CDC42BPA: variants seen among roughly 807,000 people sequenced by gnomAD.
CDC42BPA encodes serine/threonine-protein kinase MRCK alpha.
Under a neutral mutation model 223.5 loss-of-function variants are expected in CDC42BPA, and 80 were observed. That is an observed-to-expected ratio of 0.36 (90% CI 0.30 to 0.43). The LOEUF (loss-of-function observed/expected upper bound fraction) is 0.43. Among genes scored for constraint, CDC42BPA ranks in the 20% least tolerant of loss-of-function variants. CDC42BPA has a pLI of 1.00. For missense variants in CDC42BPA, 1,743 were observed against 2,099.9 expected, an observed-to-expected ratio of 0.83 and a Z score of 3.32; for synonymous variants, 694 against 718.6, an observed-to-expected ratio of 0.97 and a Z score of 0.55.
At chr1:227,304,566 T>C (rs181471233) in intron 1 of CDC42BPA, among the ~76,000 whole-genome samples, 128 of 152,306 alleles carry the variant, frequency 8.4e-4, no homozygotes, top group African/African-American at 2.9e-3. Flanking sequence ...ATGAGTTTCA[T>C]ACAATGTTTC....
chr1:227,173,712 T>A (rs1666482581), intron 5 of CDC42BPA, among the ~76,000 whole-genome samples: 2 of 149,310 alleles, frequency 1.3e-5, no homozygotes, highest in Admixed American at 1.3e-4. Context: ...ACATGTGGTA[T>A]TTTTTTTTTA....
At chr1:227,226,730 G>C (rs1189529597) in intron 2 of CDC42BPA, among the ~76,000 whole-genome samples, 1 of 152,136 alleles carries the variant, frequency 6.6e-6, no homozygotes, top group Admixed American at 6.5e-5. Flanking sequence ...TTTTGAGATG[G>C]CAAACTAGAC....
chr1:227,009,452 A>C (rs1370508208), intron 34 of CDC42BPA, among the ~76,000 whole-genome samples: 1 of 152,150 alleles, frequency 6.6e-6, no homozygotes, highest in Non-Finnish European at 1.5e-5. Flanking sequence ...TCTATCACCT[A>C]AGCTGGAGTG....
chr1:227,126,901 A>G (rs1476733201), intron 11 of CDC42BPA, among the ~76,000 whole-genome samples: 2 of 152,200 alleles, frequency 1.3e-5, no homozygotes, highest in African/African-American at 4.8e-5. Flanking sequence ...CTTTTAACAC[A>G]GTGCTGCAAG....
At chr1:227,293,616 G>A (rs756313942) in intron 1 of CDC42BPA, among the ~76,000 whole-genome samples, 4 of 150,336 alleles carry the variant, frequency 2.7e-5, no homozygotes, top group Non-Finnish European at 4.4e-5. Context: ...ACCTGAGGTC[G>A]GGAGTTTGAG....
chr1:227,043,190 G>A (rs536062637), intron 23 of CDC42BPA, among the ~76,000 whole-genome samples: 14 of 151,946 alleles, frequency 9.2e-5, no homozygotes, highest in Admixed American at 2.6e-4. Context: ...CAAGGAGGGC[G>A]GATCACGAGG....
At chr1:227,091,546 A>G (rs6695431) in intron 16 of CDC42BPA, among the ~76,000 whole-genome samples, 21,506 of 152,182 alleles carry the variant, frequency 0.14, 1,904 homozygotes, top group South Asian at 0.34. Flanking sequence ...CTGCAGAACC[A>G]TAAGCCAAAA....
intron 17 of CDC42BPA, among the ~76,000 whole-genome samples, chr1:227,078,134 T>A (rs1446136823): frequency 1.3e-5 from 2 of 152,164 alleles, no homozygotes; most frequent in East Asian, 3.8e-4. Flanking sequence ...TTTACAAAAA[T>A]TCTCCAATTT....
At chr1:227,059,410 C>A (rs758017331) in intron 21 of CDC42BPA, 4 of 1,562,178 alleles carry the variant, frequency 2.6e-6, no homozygotes, top group East Asian at 2.4e-5. Context: ...GGATGGAGAG[C>A]GCTTCAACAG....
At chr1:227,144,345 G>C (rs1015867052) in intron 8 of CDC42BPA, among the ~76,000 whole-genome samples, 2 of 152,056 alleles carry the variant, frequency 1.3e-5, no homozygotes, top group Admixed American at 6.5e-5. Flanking sequence ...GGGAGGCTGA[G>C]GAGGGCGGAT....
At chr1:227,212,385 G>A (rs902502007) in intron 3 of CDC42BPA, among the ~76,000 whole-genome samples, 21 of 151,976 alleles carry the variant, frequency 1.4e-4, no homozygotes, top group African/African-American at 5.1e-4. Context: ...AACTTCCAGG[G>A]CTATTACTCA....
At chr1:227,010,025 A>G (rs1411981163) in intron 34 of CDC42BPA, among the ~76,000 whole-genome samples, 2 of 152,194 alleles carry the variant, frequency 1.3e-5, no homozygotes, top group Non-Finnish European at 2.9e-5. Flanking sequence ...TTTGCATGAT[A>G]CAATATAAAC....
chr1:227,310,250 T>C (rs1693274846), intron 1 of CDC42BPA, among the ~76,000 whole-genome samples: 1 of 152,256 alleles, frequency 6.6e-6, no homozygotes, highest in African/African-American at 2.4e-5. Context: ...AAATGTTGTC[T>C]AAAATCTTTT....
intron 3 of CDC42BPA, among the ~76,000 whole-genome samples, chr1:227,207,096 A>C (rs12758070): frequency 1.4e-5 from 1 of 70,158 alleles, no homozygotes; most frequent in African/African-American, 6.0e-5. Context: ...CCCACCCCAC[A>C]ACAGTCCCCC....
Position 227,072,249 on chromosome 1 carries a change from T to C in CDC42BPA, c.2786A>G (p.Glu929Gly), listed in dbSNP as rs1558431040. The part of the protein sequence containing the change: ...KKNLELLSEI[E>G]QLIKDTEELR... ...CTCTTCAGTGTCCTTTATCAGCTGT[T>C]CGATTTCTGAGAGTAGTTCCAAGTT... The change falls in exon 20 of 37, where the codon GAA (glutamate) becomes GGA (glycine). Residue 929 changes from glutamate to glycine, a missense_variant. Coordinates refer to ENST00000366766, the MANE Select transcript of CDC42BPA (RefSeq NM_001394014.1). The C allele has an allele frequency of 6.2e-7, 1 of 1,610,130 alleles. No individual in the cohort carries two copies. The highest frequency in any genetic ancestry group is 1.7e-5 in the Admixed American group (1 of 59,870).
At chr1:227,233,272 T>C (rs571245005) in intron 2 of CDC42BPA, among the ~76,000 whole-genome samples, 2 of 152,226 alleles carry the variant, frequency 1.3e-5, no homozygotes, top group East Asian at 3.9e-4. Context: ...CTCCTGACCT[T>C]GTGATCCGCC....
Position 227,316,884 on chromosome 1 carries a change from GTC to G in CDC42BPA, c.178+119_178+120del, listed in dbSNP as rs543833090. On this transcript the variant is annotated intron_variant, in intron 1 of 36. Transcript: ENST00000366766. Reference sequence around the variant, plus strand: ...TAGCGGAAAATCTTGAATAACTAGTGTCTGTTTTTTTATTGTATTTTTTCTTT... The same window carrying G: ...TAGCGGAAAATCTTGAATAACTAGTGTGTTTTTTTATTGTATTTTTTCTTT... 8.5e-5 allele frequency: 61 copies of G among 720,040 alleles called. No individual in the cohort carries two copies. The African/African-American group carries it at 1.1e-3, about 12-fold the overall frequency. 44.6% of individuals were successfully genotyped at this position (720,040 alleles called of 1,614,324 possible). A position where few individuals can be genotyped will look rare whatever the true frequency, so the allele number is the denominator to read the frequency against.
rs78647924 is a variant in CDC42BPA, at chr1:227,302,180, G to C, written c.178+14825C>G. 3.4e-3 allele frequency among the ~76,000 whole-genome samples: 519 copies of C among 152,184 alleles called. 2 individuals are homozygous for C. Among genetic ancestry groups the C allele is most frequent in the Non-Finnish European group, 5.4e-3 (366 of 68,008 alleles). On this transcript the variant is annotated intron_variant, in intron 1 of 36. Coordinates refer to ENST00000366766, the MANE Select transcript of CDC42BPA (RefSeq NM_001394014.1). ...TTGTATCTCCTGCTTCCTATATCCT[G>C]TTACTTCCTCATCTTCATTCACTCC...
intron 11 of CDC42BPA, among the ~76,000 whole-genome samples, chr1:227,125,203 G>A (rs75145497): frequency 3.4e-5 from 5 of 148,072 alleles, no homozygotes; most frequent in South Asian, 2.1e-4. Context: ...AAACATCACA[G>A]AAAAAAAAAA....
Sources: gnomAD v4.1 joint callset for allele counts (sites outside exome capture counted in the v4.1 genomes callset) on GRCh38, gnomAD v4.1.1 for gene constraint, MANE v1.5 for transcripts, NCBI Gene and HGNC (gene_info 2026-07-23, HGNC 2026-07-21) for gene names.